EPHA8: variants seen among roughly 807,000 people sequenced by gnomAD.
EPHA8 encodes the protein EPH receptor A8.
In EPHA8, 58 loss-of-function variants were observed where a neutral mutation model predicts 103.6. That is an observed-to-expected ratio of 0.56 (90% CI 0.45 to 0.70). The LOEUF (loss-of-function observed/expected upper bound fraction) is 0.70, where lower values mean the gene tolerates loss of function less well. Among genes scored for constraint, EPHA8 ranks in the 30% least tolerant of loss-of-function variants. The probability of loss-of-function intolerance (pLI) is 0.00; values close to 1 mark genes in which losing one functional copy is unlikely to be tolerated. For missense variants in EPHA8, 1,304 were observed against 1,395.2 expected (o/e 0.93, Z 1.04); for synonymous variants, 559 against 572.5 (o/e 0.98, Z 0.34).
In EPHA8 at chr1:22,600,161, G is replaced by A. The variant is rs1367193961; in HGVS notation, c.2389-500G>A. On this transcript the variant is annotated intron_variant, in intron 13 of 16. Coordinates refer to ENST00000166244, the MANE Select transcript of EPHA8 (RefSeq NM_020526.5). ...AAGGAGGAGGGAGGGAGGGAAGGAG[G>A]GAGGCAGGAAGGAAGGAAAGAAGGA... Among the ~76,000 whole-genome samples the A allele has an allele frequency of 7.9e-4, 101 of 127,124 alleles. 2 individuals are homozygous for A. Among genetic ancestry groups the A allele is most frequent in the Non-Finnish European group, 1.5e-3 (85 of 58,176 alleles). The allele number at this position is 127,124 out of a possible 152,430, so 83.4% of individuals were successfully genotyped here. A position where few individuals can be genotyped will look rare whatever the true frequency, so the allele number is the denominator to read the frequency against.
At chr1:22,600,317 G>A (rs1419335931) in intron 13 of EPHA8, among the ~76,000 whole-genome samples, 1 of 146,862 alleles carries the variant, frequency 6.8e-6, no homozygotes, top group Non-Finnish European at 1.5e-5. Context: ...GAAAAGAAGG[G>A]AGGAAGGAAG....
intron 3 of EPHA8, among the ~76,000 whole-genome samples, chr1:22,579,082 TACGTGC>T (rs760097046): frequency 6.2e-5 from 8 of 128,042 alleles, no homozygotes; most frequent in African/African-American, 2.4e-4. Context: ...TGTGCATGTG[TACGTGC>T]ATGTGTGCAT....
intron 3 of EPHA8, among the ~76,000 whole-genome samples, chr1:22,585,890 G>A (rs1641189576): frequency 6.6e-6 from 1 of 152,186 alleles, no homozygotes; most frequent in African/African-American, 2.4e-5. Context: ...TGTCTGTGGT[G>A]GGGCCAGGAA....
At chr1:22,596,237 T>A in intron 9 of EPHA8, 64 bp downstream of exon 9, 1 of 1,519,852 alleles carries the variant, frequency 6.6e-7, no homozygotes, top group Non-Finnish European at 9.1e-7. Flanking sequence ...AGTGCTGGAC[T>A]GGGGGTGGCA....
At chr1:22,595,821 A>G (rs891996533) in intron 8 of EPHA8, among the ~76,000 whole-genome samples, 1 of 152,246 alleles carries the variant, frequency 6.6e-6, no homozygotes, top group Non-Finnish European at 1.5e-5. Context: ...GGGTGGTTTC[A>G]TATAACATGG....
chr1:22,596,276 A>G, intron 9 of EPHA8, 103 bp downstream of exon 9: 1 of 1,181,884 alleles, frequency 8.5e-7, no homozygotes. Flanking sequence ...GTGCCCAGTG[A>G]AAAAACCAGA....
In EPHA8 at chr1:22,578,413, T is replaced by C. The variant is rs200803862; in HGVS notation, c.823+1533T>C. Among the ~76,000 whole-genome samples the C allele has an allele frequency of 4.7e-4, 70 of 148,282 alleles. 1 individual carries two copies. In the East Asian group the frequency reaches 8.0e-3, roughly 17 times the overall value. ...GCATGTCTGCATGAGTGTATGCATG[T>C]CTGCATGTGTACGTATGTGTACGTG... is the stretch of plus-strand genomic sequence containing the variant. On this transcript the variant is annotated intron_variant, in intron 3 of 16. Coordinates refer to ENST00000166244, the MANE Select transcript of EPHA8 (RefSeq NM_020526.5).
rs189723262 is a variant in EPHA8 at position 22,598,746 on chromosome 1, C to T, written c.2179-92C>T. On this transcript the variant is annotated intron_variant, in intron 12 of 16. Transcript: ENST00000166244. The surrounding 1 kb of genome is among the most constrained non-coding windows in gnomAD (Gnocchi z 5.1). ...GGCAAATTGCAAAGCACCGTCTCAA[C>T]TCGAGAGCATCCTACAGATGGGAGG... 115 of 1,347,222 alleles carry T rather than the reference C, an allele frequency of 8.5e-5. No homozygotes were observed. Among genetic ancestry groups the T allele is most frequent in the Non-Finnish European group, 1.1e-4 (112 of 974,006 alleles). 83.5% of individuals were successfully genotyped at this position (1,347,222 alleles called of 1,614,324 possible).
intron 2 of EPHA8, among the ~76,000 whole-genome samples, chr1:22,570,572 AGAGT>A (rs1392526386): frequency 1.3e-5 from 1 of 76,726 alleles, no homozygotes; most frequent in Non-Finnish European, 2.4e-5. Flanking sequence ...GACTTTGGGT[AGAGT>A]TTTCATCTGG....
At position 22,589,333 on chromosome 1, in the gene EPHA8, G is replaced by A; in HGVS notation, c.1315+127G>A. 1 of 1,605,972 alleles carries A rather than the reference G, an allele frequency of 6.2e-7. No individual in the cohort carries two copies. Among genetic ancestry groups the A allele is most frequent in the Non-Finnish European group, 8.5e-7 (1 of 1,177,226 alleles). On this transcript the variant is annotated intron_variant, in intron 5 of 16. Coordinates refer to ENST00000166244, the MANE Select transcript of EPHA8 (RefSeq NM_020526.5). This position sits in a 1 kb window ranked among gnomAD's most constrained non-coding sequence, Gnocchi z 4.3. ...TTTAGGCAAGTGCCTCTCTGGCCCT[G>A]CGCTCCTCACCAGGACCCAGAGCTG...
chr1:22,577,918 A>AAT (rs1640770788), intron 3 of EPHA8, among the ~76,000 whole-genome samples: 1 of 14,348 alleles, frequency 7.0e-5, no homozygotes, highest in African/African-American at 3.4e-4. Flanking sequence ...TGTGTGCGTG[A>AAT]GTGTATGTGT....
intron 3 of EPHA8, among the ~76,000 whole-genome samples, chr1:22,577,957 A>ATGTGTGCATGAG (rs1640778431): frequency 1.3e-5 from 1 of 74,590 alleles, no homozygotes; most frequent in Non-Finnish European, 2.7e-5. Flanking sequence ...GAGTGTATGC[A>ATGTGTGCATGAG]TGTGTGTGCA....
chr1:22,591,931 C>A (rs1641382445), intron 5 of EPHA8, among the ~76,000 whole-genome samples: 1 of 152,190 alleles, frequency 6.6e-6, no homozygotes, highest in Non-Finnish European at 1.5e-5. Flanking sequence ...TTTCCCAGCA[C>A]CAAAAGAACC....
rs776470892 is a variant in EPHA8 at position 22,586,599 on chromosome 1, C to T, written c.943C>T (p.Arg315Cys). Residue 315 changes from arginine to cysteine, a missense_variant, in exon 4 of 17, where the codon CGT (arginine) becomes TGT (cysteine). By Grantham distance (180) the Arg-to-Cys change is radical. Transcript: ENST00000166244. The stretch of plus-strand genomic sequence containing the variant: ...CTGCCACTGTGACCTCAGCTACTAC[C>T]GTGCAGCCCTGGACCCGCCGTCCTC... ...QACHCDLSYY[R>C]AALDPPSSAC... 10 of 1,614,002 alleles carry T rather than the reference C, an allele frequency of 6.2e-6. No homozygotes were observed. The highest frequency in any genetic ancestry group is 4.4e-5 in the South Asian group (4 of 91,076).
chr1:22,578,290 G>A (rs1040071595), intron 3 of EPHA8, among the ~76,000 whole-genome samples: 1 of 150,036 alleles, frequency 6.7e-6, no homozygotes. Context: ...GTGTACGTGT[G>A]CATGAGTCTA....
intron 3 of EPHA8, among the ~76,000 whole-genome samples, chr1:22,582,474 C>T (rs552562572): frequency 2.6e-5 from 4 of 152,296 alleles, no homozygotes; most frequent in East Asian, 1.9e-4. Flanking sequence ...ATAAGGGACC[C>T]GCCAGGTCAC....
At position 22,569,370 on chromosome 1, in the gene EPHA8, G is replaced by A; in HGVS notation, c.159+17G>A. 6.3e-7 allele frequency: 1 copy of A among 1,576,136 alleles called. No individual in the cohort carries two copies. The highest frequency in any genetic ancestry group is 8.6e-7 in the Non-Finnish European group (1 of 1,162,078). ...GCTCATGGGGTGAGTGATGGGCACT[G>A]GGGACAACGTCATCCCTCTGTGAGC... On this transcript the variant is annotated intron_variant, in intron 2 of 16. Transcript: ENST00000166244. The surrounding 1 kb of genome is among the most constrained non-coding windows in gnomAD (Gnocchi z 4.5).
At position 22,602,056 on chromosome 1, in the gene EPHA8, G is replaced by C. The variant is rs1216670153; in HGVS notation, c.*315G>C. 14 of 481,476 alleles carry C rather than the reference G, an allele frequency of 2.9e-5. No homozygotes were observed. The Middle Eastern group carries it at 1.7e-3, about 58-fold the overall frequency. The allele number at this position is 481,476 out of a possible 1,614,324, so 29.8% of individuals were successfully genotyped here. ...CGCCTGCCTCTGTGTGCGTGCATGT[G>C]TGTGTGTGGTGGGGGGTGTTCTCAC... On this transcript the variant is annotated 3_prime_UTR_variant, in exon 17 of 17. Coordinates refer to ENST00000166244, the MANE Select transcript of EPHA8 (RefSeq NM_020526.5).
At chr1:22,578,837 A>G (rs189069560) in intron 3 of EPHA8, among the ~76,000 whole-genome samples, 2 of 140,856 alleles carry the variant, frequency 1.4e-5, no homozygotes, top group Admixed American at 7.0e-5. Flanking sequence ...GCCTGTGTGT[A>G]TATGCATGTG....
Sources: gnomAD v4.1 joint callset for allele counts (sites outside exome capture counted in the v4.1 genomes callset) on GRCh38, gnomAD v4.1.1 for gene constraint, Gnocchi (gnomAD v3.1) non-coding constraint, MANE v1.5 for transcripts, NCBI Gene and HGNC (gene_info 2026-07-23, HGNC 2026-07-21) for gene names.